The following SCARF1 variants were observed in gnomAD, a reference collection of about 807,000 sequenced individuals.
SCARF1 encodes the protein acetyl LDL receptor.
A neutral mutation model predicts 76.3 loss-of-function variants in SCARF1; 49 were observed. The ratio of observed to expected loss-of-function variants is 0.64; its 90% CI spans 0.51 to 0.81. The LOEUF is 0.81. SCARF1 is among the 40% of genes least tolerant of loss of function. SCARF1 has a pLI of 0.00. For synonymous variants in SCARF1, 495 were observed against 474.6 expected (o/e 1.04, Z -0.56); for missense variants, 1,098 against 1,143.9 (o/e 0.96, Z 0.58).
Position 1,640,143 on chromosome 17 carries a change from C to A in SCARF1, c.1011-103G>T. ...CACGCTCCTGGACTCAAGGACCCAACTGGCCACTCCTCAGCAGTGAAGCTC... is the reference window on the plus strand; with the variant it reads ...CACGCTCCTGGACTCAAGGACCCAAATGGCCACTCCTCAGCAGTGAAGCTC... On this transcript the variant is annotated intron_variant, in intron 5 of 10. Transcript: ENST00000263071. The surrounding 1 kb of genome is among the most constrained non-coding windows in gnomAD (Gnocchi z 4.7). The A allele has an allele frequency of 7.3e-7, 1 of 1,372,332 alleles. No individual in the cohort carries two copies. The highest frequency in any genetic ancestry group is 9.9e-7 in the Non-Finnish European group (1 of 1,005,706). The allele number at this position is 1,372,332 out of a possible 1,614,324, so 85.0% of individuals were successfully genotyped here.
chr17:1,643,398 G>GC, intron 4 of SCARF1, 44 bp downstream of exon 4: 1 of 636,452 alleles, frequency 1.6e-6, no homozygotes, highest in East Asian at 1.4e-4. Flanking sequence ...ACTTGTGTCC[G>GC]CCCCCGCCCC....
Position 1,645,288 on chromosome 17 carries a change from G to A in SCARF1, c.102-49C>T. 1.2e-6 allele frequency: 2 copies of A among 1,601,602 alleles called. No individual in the cohort carries two copies. Among genetic ancestry groups the A allele is most frequent in the Non-Finnish European group, 1.7e-6 (2 of 1,174,084 alleles). On this transcript the variant is annotated intron_variant, in intron 1 of 10. Coordinates refer to ENST00000263071, the MANE Select transcript of SCARF1 (RefSeq NM_003693.4). The surrounding 1 kb of genome is among the most constrained non-coding windows in gnomAD (Gnocchi z 6.3). ...CGGACATGGTGGGGGGTGCAGCCTG[G>A]CCCTGAGGAAGGTGGATCACTGTCT...
intron 10 of SCARF1, 131 bp downstream of exon 10, chr17:1,636,578 A>C: frequency 9.4e-7 from 1 of 1,067,392 alleles, no homozygotes; most frequent in South Asian, 1.7e-5. Context: ...GCACCACTGC[A>C]CTCCAGCCTG....
Position 1,640,422 on chromosome 17 carries a change from C to G in SCARF1, c.1010+26G>C. On this transcript the variant is annotated intron_variant, in intron 5 of 10. Transcript: ENST00000263071. This position sits in a 1 kb window ranked among gnomAD's most constrained non-coding sequence, Gnocchi z 4.7. ...GAGGGTCCTGGGGGAAGGTGTACCC[C>G]ACCCTGAACAGAATGGTGCCCTCAC... The G allele has an allele frequency of 2.0e-6, 3 of 1,534,908 alleles. No individual in the cohort carries two copies. Among genetic ancestry groups the G allele is most frequent in the African/African-American group, 1.4e-5 (1 of 72,836 alleles).
At chr17:1,641,805 T>C (rs1910074796) in intron 4 of SCARF1, among the ~76,000 whole-genome samples, 2 of 152,190 alleles carry the variant, frequency 1.3e-5, no homozygotes, top group Non-Finnish European at 2.9e-5. Context: ...CACTGCAACC[T>C]CCGCCTCCCG....
At position 1,634,322 on chromosome 17, in the gene SCARF1, G is replaced by T. The variant is rs1909329054; in HGVS notation, c.*436C>A. ...GAGAAGGGCGTGAACCCGGGAGGCA[G>T]AGCTTGCAGTGAGCCGAGATCGCAC... On this transcript the variant is annotated 3_prime_UTR_variant, in exon 11 of 11. Coordinates refer to ENST00000263071, the MANE Select transcript of SCARF1 (RefSeq NM_003693.4). 3.5e-6 allele frequency: 1 copy of T among 284,590 alleles called. No homozygotes were observed. The highest frequency in any genetic ancestry group is 5.3e-5 in the Admixed American group (1 of 19,010). The allele number at this position is 284,590 out of a possible 1,614,324, so 17.6% of individuals were successfully genotyped here.
chr17:1,642,691 A>G (rs1910149433), intron 4 of SCARF1, among the ~76,000 whole-genome samples: 1 of 152,096 alleles, frequency 6.6e-6, no homozygotes, highest in Non-Finnish European at 1.5e-5. Flanking sequence ...GACCTGGGGC[A>G]ACAAAGCGTT....
intron 9 of SCARF1, 39 bp from the exon 10 acceptor site, chr17:1,636,894 G>A (rs370635402): frequency 1.9e-6 from 3 of 1,613,768 alleles, no homozygotes; most frequent in African/African-American, 1.3e-5. Context: ...AGGACCTGAT[G>A]CAAAGCCCTG....
rs755892102 is a variant in SCARF1, at chr17:1,640,079, C to G, written c.1011-39G>C. ...AGACTCGGGGAAGGGGAGACCAAGGCAGGCCTGGCCCCCACTGTGGGGCCC... is the reference window on the plus strand; with the variant it reads ...AGACTCGGGGAAGGGGAGACCAAGGGAGGCCTGGCCCCCACTGTGGGGCCC... On this transcript the variant is annotated intron_variant, in intron 5 of 10. Coordinates refer to ENST00000263071, the MANE Select transcript of SCARF1 (RefSeq NM_003693.4). This position sits in a 1 kb window ranked among gnomAD's most constrained non-coding sequence, Gnocchi z 4.7. The G allele has an allele frequency of 1.9e-6, 3 of 1,603,688 alleles. No individual in the cohort carries two copies. In the Admixed American group the frequency reaches 5.1e-5, roughly 27 times the overall value.
At chr17:1,642,110 C>T (rs1567665461) in intron 4 of SCARF1, among the ~76,000 whole-genome samples, 1 of 152,020 alleles carries the variant, frequency 6.6e-6, no homozygotes, top group Non-Finnish European at 1.5e-5. Flanking sequence ...CCCTTGGTCA[C>T]TCGATCCACT....
intron 7 of SCARF1, 67 bp from the exon 8 acceptor site, chr17:1,638,993 A>T: frequency 2.1e-6 from 3 of 1,456,274 alleles, no homozygotes; most frequent in Non-Finnish European, 2.8e-6. Context: ...CTTTGCTCTG[A>T]GTTGCCTGCT....
At position 1,640,512 on chromosome 17, in the gene SCARF1, C is replaced by T. The variant is rs1405101989; in HGVS notation, c.946G>A (p.Gly316Arg). The T allele has an allele frequency of 6.3e-7, 1 of 1,590,532 alleles. No homozygotes were observed. The highest frequency in any genetic ancestry group is 1.7e-5 in the Admixed American group (1 of 57,620). The stretch of plus-strand genomic sequence containing the variant: ...CCAGTATCTGGCTCACAGGCCTCCC[C>T]ATGTCGGCAGTGAGGGCACTGCTGT... ...CEQQCPHCRH[G>R]EACEPDTGHC... is the part of the protein sequence containing the mutation. The change falls in exon 5 of 11, where the codon GGG becomes AGG. Residue 316 changes from glycine to arginine, a missense_variant. Transcript: ENST00000263071. The surrounding 1 kb of genome is among the most constrained non-coding windows in gnomAD (Gnocchi z 4.7).
At chr17:1,635,741 GA>G in intron 10 of SCARF1, 124 bp from the exon 11 acceptor site, 1 of 1,228,102 alleles carries the variant, frequency 8.1e-7, no homozygotes, top group East Asian at 2.6e-5. Flanking sequence ...AGGATGAGGA[GA>G]GTGGCAGAAG....
intron 8 of SCARF1, 59 bp downstream of exon 8, chr17:1,638,746 GC>G (rs1405315493): frequency 8.4e-6 from 12 of 1,434,228 alleles, no homozygotes; most frequent in Non-Finnish European, 9.3e-6. Flanking sequence ...GAAACCAGAT[GC>G]CCCCCTGCTC....
In SCARF1 at chr17:1,644,837, A is replaced by T; in HGVS notation, c.262T>A (p.Ser88Thr). Residue 88 changes from serine to threonine, a missense_variant, in exon 3 of 11, where the codon TCC (serine) becomes ACC (threonine). Transcript: ENST00000263071. The surrounding 1 kb of genome is among the most constrained non-coding windows in gnomAD (Gnocchi z 4.8). Reference sequence around the variant, plus strand: ...TCATCTGGCCCTTGAGACTCACGGGAGCTGCAGTGGGCCCCAAAGAATCCA... The same window carrying T: ...TCATCTGGCCCTTGAGACTCACGGGTGCTGCAGTGGGCCCCAAAGAATCCA... ...KPGFFGAHCSSRCPGQYWGPD... is the reference protein window; with the variant it reads ...KPGFFGAHCSTRCPGQYWGPD... 1 of 1,612,270 alleles carries T rather than the reference A, an allele frequency of 6.2e-7. No individual in the cohort carries two copies. Among genetic ancestry groups the T allele is most frequent in the Non-Finnish European group, 8.5e-7 (1 of 1,179,568 alleles).
Position 1,634,815 on chromosome 17 carries a change from C to T in SCARF1, c.2436G>A (p.Arg812=). ...QDPQKQAEEE[R]QEEPEYENVV... ...CATTCTCATACTCAGGTTCCTCCTG[C>T]CTTTCCTCTTCAGCCTGCTTCTGGG... The change falls in exon 11 of 11, where the codon AGG becomes AGA. Residue 812 remains arginine, a synonymous_variant. Transcript: ENST00000263071. 6.2e-7 allele frequency: 1 copy of T among 1,613,222 alleles called. No individual in the cohort carries two copies. Among genetic ancestry groups the T allele is most frequent in the Non-Finnish European group, 8.5e-7 (1 of 1,179,452 alleles).
intron 6 of SCARF1, 27 bp from the exon 7 acceptor site, chr17:1,639,769 T>C (rs1389287971): frequency 1.2e-6 from 2 of 1,606,928 alleles, no homozygotes; most frequent in East Asian, 4.5e-5. Context: ...AGAGGCAGGC[T>C]GAGGGCTGGG....
chr17:1,637,067 GGGA>G lies in SCARF1; in HGVS notation c.1365-8_1365-6del, dbSNP rs1207857291. ...GTAGCTCCATCTCTCGCTGGCCTGA[GGGA>G]GGAGGGTAGGGACACTGGTCAGTAC... On this transcript the variant is annotated splice_polypyrimidine_tract_variant and splice_region_variant and intron_variant, in intron 8 of 10. Coordinates refer to ENST00000263071, the MANE Select transcript of SCARF1 (RefSeq NM_003693.4). 1 of 1,613,700 alleles carries G rather than the reference GGGA, an allele frequency of 6.2e-7. No individual in the cohort carries two copies. The highest frequency in any genetic ancestry group is 8.5e-7 in the Non-Finnish European group (1 of 1,180,000).
rs773490669 is a variant in SCARF1 at position 1,640,671 on chromosome 17, G to A, written c.792-5C>T. On this transcript the variant is annotated splice_region_variant and splice_polypyrimidine_tract_variant and intron_variant, in intron 4 of 10. Coordinates refer to ENST00000263071, the MANE Select transcript of SCARF1 (RefSeq NM_003693.4). This position sits in a 1 kb window ranked among gnomAD's most constrained non-coding sequence, Gnocchi z 4.7. ...TTGTGTTTGCAGCGGCCACAGCTGGGAAGAGAAGGGCTTCGTGGGAACAGT... is the reference window on the plus strand; with the variant it reads ...TTGTGTTTGCAGCGGCCACAGCTGGAAAGAGAAGGGCTTCGTGGGAACAGT... 2.5e-6 allele frequency: 4 copies of A among 1,610,158 alleles called. No individual in the cohort carries two copies. The highest frequency in any genetic ancestry group is 3.3e-5 in the Admixed American group (2 of 59,758).
Sources: gnomAD v4.1 joint callset for allele counts (sites outside exome capture counted in the v4.1 genomes callset) on GRCh38, gnomAD v4.1.1 for gene constraint, Gnocchi (gnomAD v3.1) non-coding constraint, MANE v1.5 for transcripts, NCBI Gene and HGNC (gene_info 2026-07-23, HGNC 2026-07-21) for gene names.